TMEM63A: variants seen among roughly 807,000 people sequenced by gnomAD.
The protein encoded by TMEM63A is mechanosensitive cation channel TMEM63A.
TMEM63A carries 76 observed loss-of-function variants against 100.6 expected under a neutral mutation model. The ratio of observed to expected loss-of-function variants is 0.76; its 90% CI spans 0.63 to 0.91. The LOEUF is 0.91. TMEM63A is among the 40% of genes least tolerant of loss of function. The pLI, the probability that TMEM63A is intolerant of heterozygous loss-of-function variation, is 0.00. For synonymous variants in TMEM63A, 401 were observed against 401.1 expected, an observed-to-expected ratio of 1.00 and a Z score of 0.00; for missense variants, 876 against 1,008.8, an observed-to-expected ratio of 0.87 and a Z score of 1.78.
In TMEM63A at chr1:225,874,256, G is replaced by A. The variant is rs2271544; in HGVS notation, c.266+32C>T. 72,137 of 1,601,724 alleles carry A rather than the reference G, an allele frequency of 0.045. 2,164 individuals carry two copies. The highest frequency in any genetic ancestry group is 0.15 in the East Asian group (6,893 of 44,796). ...TATACACACTCACACGTACGCACACGCATGCTCACAGCCTAGGCGATATGT... is the reference window on the plus strand; with the variant it reads ...TATACACACTCACACGTACGCACACACATGCTCACAGCCTAGGCGATATGT... On this transcript the variant is annotated intron_variant, in intron 4 of 24. Coordinates refer to ENST00000366835, the MANE Select transcript of TMEM63A (RefSeq NM_014698.3).
At position 225,849,269 on chromosome 1, in the gene TMEM63A, G is replaced by A. The variant is rs79393215; in HGVS notation, c.2072-257C>T. ...CCCTGGTCAGATTTCAGGCACTGGGGTGCCAAGTCAATGGCAATTCTTCAG... is the reference window on the plus strand; with the variant it reads ...CCCTGGTCAGATTTCAGGCACTGGGATGCCAAGTCAATGGCAATTCTTCAG... On this transcript the variant is annotated intron_variant, in intron 21 of 24. Coordinates refer to ENST00000366835, the MANE Select transcript of TMEM63A (RefSeq NM_014698.3). Among the ~76,000 whole-genome samples the A allele has an allele frequency of 6.2e-3, 939 of 152,118 alleles. 23 individuals carry two copies. The highest frequency in any genetic ancestry group is 0.053 in the East Asian group (273 of 5,144).
At chr1:225,845,432 T>A, downstream of TMEM63A, 2 of 1,426,552 alleles carry the variant, frequency 1.4e-6, no homozygotes, top group Non-Finnish European at 1.9e-6. Context: ...TTCTGAGGAA[T>A]GAGTTTGCCT....
downstream of TMEM63A, chr1:225,845,308 G>A (rs1033464886): frequency 6.2e-7 from 1 of 1,612,290 alleles, no homozygotes; most frequent in Non-Finnish European, 8.5e-7. Flanking sequence ...TGCTCGCCCA[G>A]GACATCCGCA....
Position 225,860,968 on chromosome 1 carries a change from C to T in TMEM63A, c.1115G>A (p.Cys372Tyr). The change falls in exon 14 of 25, where the codon TGT becomes TAT. Residue 372 changes from cysteine (C) to tyrosine (Y), a missense_variant. Physicochemically the swap from Cys to Tyr is radical, Grantham distance 194. Transcript: ENST00000366835. The stretch of plus-strand genomic sequence containing the variant: ...CTCACCTTTGCACTGAAGGCTCTGA[C>T]ACTTGCAGGCATTGAAATCTTTCAG... ...YILKDFNACKCQSLQCKGEPQ... is the reference protein window; with the variant it reads ...YILKDFNACKYQSLQCKGEPQ... 1 of 1,612,088 alleles carries T rather than the reference C, an allele frequency of 6.2e-7. No individual in the cohort carries two copies. Among genetic ancestry groups the T allele is most frequent in the South Asian group, 1.1e-5 (1 of 90,726 alleles).
Position 225,847,152 on chromosome 1 carries a change from T to G in TMEM63A, c.2312A>C (p.Gln771Pro). ...GGCACCATAGGTCTGCTGCTGCTGC[T>G]GCTGCGGAGACAGTGCTGTCCTCTC... ...ASERTALSPQ[Q>P]QQQQTYGAIH... is the part of the protein sequence containing the mutation. Residue 771 changes from glutamine to proline, a missense_variant, in exon 24 of 25, where the codon CAG becomes CCG. By Grantham distance (76) the Gln-to-Pro change is moderately conservative. Around this residue, in one of 5 missense-constraint regions of TMEM63A, gnomAD observed 339 missense variants for 342.3 expected, o/e 0.99. Transcript: ENST00000366835. 1 of 1,613,500 alleles carries G rather than the reference T, an allele frequency of 6.2e-7. No homozygotes were observed. The highest frequency in any genetic ancestry group is 2.2e-5 in the East Asian group (1 of 44,888).
At chr1:225,857,669 C>T (rs1042536716) in intron 15 of TMEM63A, among the ~76,000 whole-genome samples, 4 of 151,794 alleles carry the variant, frequency 2.6e-5, no homozygotes, top group South Asian at 4.1e-4. Flanking sequence ...AAGGGATATG[C>T]GATCTAGGAA....
chr1:225,854,158 A>T (rs1287095562), intron 18 of TMEM63A, among the ~76,000 whole-genome samples: 1 of 151,490 alleles, frequency 6.6e-6, no homozygotes, highest in Non-Finnish European at 1.5e-5. Flanking sequence ...AAATGTGAAG[A>T]GGTGAAGGAG....
At chr1:225,852,820 C>T (rs758179812) in intron 19 of TMEM63A, 51 bp from the exon 20 acceptor site, 1 of 1,524,444 alleles carries the variant, frequency 6.6e-7, no homozygotes, top group Non-Finnish European at 9.1e-7. Flanking sequence ...ACCTCAAACA[C>T]CCTTTTGTGC....
At chr1:225,843,469 CTG>C (rs1668609729), downstream of TMEM63A, among the ~76,000 whole-genome samples, 1 of 152,212 alleles carries the variant, frequency 6.6e-6, no homozygotes, top group Non-Finnish European at 1.5e-5. Context: ...GGGCCTTCGT[CTG>C]GGATCTGTTT....
In TMEM63A at chr1:225,862,672, G is replaced by A; in HGVS notation, c.828-94C>T. On this transcript the variant is annotated intron_variant, in intron 11 of 24. Coordinates refer to ENST00000366835, the MANE Select transcript of TMEM63A (RefSeq NM_014698.3). This position sits in a 1 kb window ranked among gnomAD's most constrained non-coding sequence, Gnocchi z 5.1. ...AGTTCAACCATCGAACGCCAGGGGAGAAGGAGGGGTCCAGGGCCTCCCGCC... is the reference window on the plus strand; with the variant it reads ...AGTTCAACCATCGAACGCCAGGGGAAAAGGAGGGGTCCAGGGCCTCCCGCC... The A allele has an allele frequency of 6.2e-7, 1 of 1,603,452 alleles. No homozygotes were observed. Among genetic ancestry groups the A allele is most frequent in the Admixed American group, 1.7e-5 (1 of 59,260 alleles).
intron 10 of TMEM63A, among the ~76,000 whole-genome samples, chr1:225,863,688 G>A (rs764400230): frequency 1.3e-5 from 2 of 151,982 alleles, no homozygotes; most frequent in Admixed American, 6.6e-5. Flanking sequence ...AGGCTGAGCC[G>A]GGTGGATCAC....
chr1:225,844,387 A>C, downstream of TMEM63A: 1 of 1,551,754 alleles, frequency 6.4e-7, no homozygotes, highest in South Asian at 1.1e-5. Flanking sequence ...ATGAGGTCTG[A>C]GGAGGGAAGC....
intron 17 of TMEM63A, among the ~76,000 whole-genome samples, chr1:225,856,335 T>TTTG (rs1669611172): frequency 6.7e-6 from 1 of 149,422 alleles, no homozygotes; most frequent in African/African-American, 2.5e-5. Flanking sequence ...TGGTTTTTTT[T>TTTG]TTTTTTTTTT....
chr1:225,850,086 G>A lies in TMEM63A; in HGVS notation c.1904-7C>T. The A allele has an allele frequency of 1.2e-6, 2 of 1,613,946 alleles. No individual in the cohort carries two copies. The highest frequency in any genetic ancestry group is 1.7e-6 in the Non-Finnish European group (2 of 1,179,904). ...AGCAGGATGTAGATGAGGCCTGCAG[G>A]GGATGGGGCTGTGAGCTGGAGACCT... On this transcript the variant is annotated splice_region_variant and splice_polypyrimidine_tract_variant and intron_variant, in intron 20 of 24. Transcript: ENST00000366835.
chr1:225,863,911 TC>T (rs1670068676), intron 10 of TMEM63A: 2 of 55,430 alleles, frequency 3.6e-5, no homozygotes, highest in East Asian at 5.8e-4. Context: ...TGAGACTCCG[TC>T]TCAAAAAAAA....
intron 2 of TMEM63A, 30 bp from the exon 3 acceptor site, chr1:225,877,624 A>C: frequency 6.4e-7 from 1 of 1,573,278 alleles, no homozygotes; most frequent in East Asian, 2.3e-5. Flanking sequence ...GACAAGGCAG[A>C]CGTTCAGGGC....
intron 3 of TMEM63A, among the ~76,000 whole-genome samples, chr1:225,874,784 T>A (rs1050278678): frequency 3.3e-5 from 5 of 152,208 alleles, no homozygotes; most frequent in African/African-American, 1.2e-4. Context: ...TTCTTCACTT[T>A]ACAGAAAATT....
chr1:225,867,262 G>T lies in TMEM63A; in HGVS notation c.515-99C>A, dbSNP rs947309449. On this transcript the variant is annotated intron_variant, in intron 7 of 24. Coordinates refer to ENST00000366835, the MANE Select transcript of TMEM63A (RefSeq NM_014698.3). The surrounding 1 kb of genome is among the most constrained non-coding windows in gnomAD (Gnocchi z 4.6). ...GTTTGTGGAGCTCTGGGGAGGAGGA[G>T]CATGTCTGGACCAGCAGGAAGACAA... 3.2e-6 allele frequency: 4 copies of T among 1,232,640 alleles called. No homozygotes were observed. Among genetic ancestry groups the T allele is most frequent in the Non-Finnish European group, 4.8e-6 (4 of 834,740 alleles). The allele number at this position is 1,232,640 out of a possible 1,614,324, so 76.4% of individuals were successfully genotyped here. A position where few individuals can be genotyped will look rare whatever the true frequency, so the allele number is the denominator to read the frequency against.
At chr1:225,872,091 T>A in intron 4 of TMEM63A, 38 bp from the exon 5 acceptor site, 1 of 1,489,938 alleles carries the variant, frequency 6.7e-7, no homozygotes, top group Admixed American at 2.0e-5. Context: ...CAGATAATTC[T>A]TAGAAAAAAA....
Sources: allele counts gnomAD v4.1 joint callset (sites outside exome capture counted in the v4.1 genomes callset), GRCh38; gene constraint gnomAD v4.1.1; regional missense constraint gnomAD v4.1.1; non-coding constraint Gnocchi (gnomAD v3.1); transcripts MANE v1.5; gene names NCBI Gene and HGNC (gene_info 2026-07-23, HGNC 2026-07-21).